Variants in CAMSAP2 observed in about 807,000 individuals in gnomAD.
CAMSAP2 encodes calmodulin-regulated spectrin-associated protein 2.
In CAMSAP2, 26 loss-of-function variants were observed where a neutral mutation model predicts 146.1. The ratio of observed to expected loss-of-function variants is 0.18; its 90% CI spans 0.13 to 0.25. CAMSAP2 has a LOEUF of 0.25. Ranked by LOEUF, CAMSAP2 falls within the 10% of genes least tolerant of loss-of-function variation. The probability of loss-of-function intolerance (pLI) is 1.00; values close to 1 mark genes in which losing one functional copy is unlikely to be tolerated. For synonymous variants in CAMSAP2, 499 were observed against 596.6 expected (o/e 0.84, Z 2.38); for missense variants, 1,381 against 1,759.3 (o/e 0.78, Z 3.85).
chr1:200,832,582 AC>A lies in CAMSAP2; in HGVS notation c.788-123del. On this transcript the variant is annotated intron_variant, in intron 5 of 16. Transcript: ENST00000358823. This position sits in a 1 kb window ranked among gnomAD's most constrained non-coding sequence, Gnocchi z 4.2. ...TTCTAAGTCTTAATGTATAATGACT[AC>A]TATATTTATAAATGTATGTTTGTTA... 1.2e-6 allele frequency: 1 copy of A among 858,714 alleles called. No homozygotes were observed. The highest frequency in any genetic ancestry group is 1.7e-6 in the Non-Finnish European group (1 of 593,320). The allele number at this position is 858,714 out of a possible 1,614,324, so 53.2% of individuals were successfully genotyped here. A position where few individuals can be genotyped will look rare whatever the true frequency, so the allele number is the denominator to read the frequency against.
chr1:200,842,566 G>GGGGTTACT (rs1667351220), intron 7 of CAMSAP2, among the ~76,000 whole-genome samples: 3 of 151,978 alleles, frequency 2.0e-5, no homozygotes, highest in Non-Finnish European at 4.4e-5. Flanking sequence ...AAGAAATAAG[G>GGGGTTACT]GGGTTACTGT....
chr1:200,840,005 A>G (rs1287355534), intron 6 of CAMSAP2, among the ~76,000 whole-genome samples: 1 of 152,206 alleles, frequency 6.6e-6, no homozygotes, highest in Non-Finnish European at 1.5e-5. Context: ...GTATATCAAC[A>G]TTCTAAAATT....
intron 9 of CAMSAP2, 145 bp from the exon 10 acceptor site, chr1:200,847,495 T>C (rs544508371): frequency 3.9e-4 from 300 of 774,560 alleles, no homozygotes; most frequent in Non-Finnish European, 5.4e-4. Context: ...TTGCTTTTCT[T>C]GATAAAATTA....
chr1:200,838,017 A>T (rs1354085198), intron 6 of CAMSAP2, among the ~76,000 whole-genome samples: 1 of 152,198 alleles, frequency 6.6e-6, no homozygotes, highest in African/African-American at 2.4e-5. Context: ...AAAAGAAGGA[A>T]AGAAGAAGCT....
intron 1 of CAMSAP2, among the ~76,000 whole-genome samples, chr1:200,743,845 G>A (rs1664244759): frequency 6.6e-6 from 1 of 152,138 alleles, no homozygotes; most frequent in African/African-American, 2.4e-5. Flanking sequence ...GGAGGCTGAG[G>A]CAGGATAATC....
intron 2 of CAMSAP2, among the ~76,000 whole-genome samples, chr1:200,797,072 G>T (rs563856206): frequency 1.3e-5 from 2 of 152,128 alleles, no homozygotes; most frequent in South Asian, 4.2e-4. Context: ...GTCTATCATT[G>T]TTGGACATTT....
At chr1:200,785,281 C>T (rs1665553054) in intron 2 of CAMSAP2, among the ~76,000 whole-genome samples, 1 of 152,140 alleles carries the variant, frequency 6.6e-6, no homozygotes, top group African/African-American at 2.4e-5. Context: ...GTTCCCTACT[C>T]CACTGTTTTC....
chr1:200,743,469 T>C (rs1046120492), intron 1 of CAMSAP2, among the ~76,000 whole-genome samples: 11 of 152,090 alleles, frequency 7.2e-5, no homozygotes, highest in African/African-American at 2.4e-4. Flanking sequence ...GTGGGTAGCA[T>C]TGTGGTTAAG....
intron 3 of CAMSAP2, among the ~76,000 whole-genome samples, chr1:200,808,699 G>A (rs1666245683): frequency 6.6e-6 from 1 of 152,106 alleles, no homozygotes; most frequent in Admixed American, 6.5e-5. Context: ...TCCCATTACA[G>A]ACTTCCCATT....
chr1:200,776,926 G>A (rs540044442), intron 2 of CAMSAP2, among the ~76,000 whole-genome samples: 2 of 152,264 alleles, frequency 1.3e-5, no homozygotes, highest in Admixed American at 1.3e-4. Context: ...CTGGAATGGG[G>A]AGGAGACAGT....
chr1:200,836,222 T>C lies in CAMSAP2; in HGVS notation c.927+3377T>C, dbSNP rs138307180. 7.5e-3 allele frequency among the ~76,000 whole-genome samples: 1,142 copies of C among 152,326 alleles called. 12 individuals are homozygous for C. Among genetic ancestry groups the C allele is most frequent in the Middle Eastern group, 0.044 (13 of 294 alleles). The stretch of plus-strand genomic sequence containing the variant: ...TTCGTCACCCAGGTATTAACCTTAA[T>C]ACCCATCAGTTATTTCTCCTGATCC... On this transcript the variant is annotated intron_variant, in intron 6 of 16. Transcript: ENST00000358823.
intron 1 of CAMSAP2, among the ~76,000 whole-genome samples, chr1:200,751,762 T>A (rs1571715223): frequency 6.6e-6 from 1 of 151,848 alleles, no homozygotes. Flanking sequence ...ACGCAAGAGG[T>A]ATGGGACCTG....
intron 4 of CAMSAP2, among the ~76,000 whole-genome samples, chr1:200,826,308 T>G (rs1666905362): frequency 6.6e-6 from 1 of 151,858 alleles, no homozygotes; most frequent in Non-Finnish European, 1.5e-5. Flanking sequence ...GGTGCATGCC[T>G]GTTGTCCCAG....
intron 8 of CAMSAP2, 37 bp from the exon 9 acceptor site, chr1:200,847,173 C>G: frequency 6.9e-6 from 10 of 1,456,910 alleles, no homozygotes; most frequent in Non-Finnish European, 9.5e-6. Context: ...TATTAAACAG[C>G]TAAAATATAA....
At chr1:200,765,029 G>A (rs1295431402) in intron 2 of CAMSAP2, among the ~76,000 whole-genome samples, 14 of 152,050 alleles carry the variant, frequency 9.2e-5, no homozygotes, top group African/African-American at 2.7e-4. Context: ...ACTTGAAACC[G>A]GGAGAAGGAG....
chr1:200,821,575 G>T (rs896381559), intron 4 of CAMSAP2, among the ~76,000 whole-genome samples: 2 of 152,244 alleles, frequency 1.3e-5, no homozygotes, highest in Admixed American at 1.3e-4. Context: ...TGGCCAGGCT[G>T]GTCTCAAACT....
intron 2 of CAMSAP2, among the ~76,000 whole-genome samples, chr1:200,790,014 T>G (rs1191666207): frequency 6.6e-6 from 1 of 152,230 alleles, no homozygotes. Context: ...GCAACCTTGC[T>G]ATAATATGGT....
chr1:200,852,011 C>T (rs150495597), intron 11 of CAMSAP2, among the ~76,000 whole-genome samples: 1 of 152,254 alleles, frequency 6.6e-6, no homozygotes, highest in African/African-American at 2.4e-5. Flanking sequence ...ATAATCATCC[C>T]CATCTTTTCT....
rs996571642 is a variant in CAMSAP2 at position 200,858,806 on chromosome 1, G to T, written c.*747G>T. ...TTATGAGAAGTTGCTGATTAAATCA[G>T]TGCTGTTTTTACACCACTTCTGGCC... is the stretch of plus-strand genomic sequence containing the variant. On this transcript the variant is annotated 3_prime_UTR_variant, in exon 17 of 17. Coordinates refer to ENST00000358823, the MANE Select transcript of CAMSAP2 (RefSeq NM_203459.4). 3 of 152,608 alleles carry T rather than the reference G, an allele frequency of 2.0e-5. No homozygotes were observed. Among genetic ancestry groups the T allele is most frequent in the Non-Finnish European group, 4.4e-5 (3 of 67,910 alleles). 9.5% of individuals were successfully genotyped at this position (152,608 alleles called of 1,614,324 possible).
Sources: gnomAD v4.1 joint callset for allele counts (sites outside exome capture counted in the v4.1 genomes callset) on GRCh38, gnomAD v4.1.1 for gene constraint, Gnocchi (gnomAD v3.1) non-coding constraint, MANE v1.5 for transcripts, NCBI Gene and HGNC (gene_info 2026-07-23, HGNC 2026-07-21) for gene names.